Variants in STPG2 observed in about 807,000 individuals in gnomAD.
STPG2 encodes the protein sperm-tail PG-rich repeat-containing protein 2.
In STPG2, 56 loss-of-function variants were observed where a neutral mutation model predicts 54.2. That is an observed-to-expected ratio of 1.03 (90% CI 0.83 to 1.29). The LOEUF is 1.29. Among genes scored for constraint, STPG2 ranks in the 50% most tolerant of loss-of-function variants. STPG2 has a pLI of 0.00. For missense variants in STPG2, 596 were observed against 544.9 expected, an observed-to-expected ratio of 1.09 and a Z score of -0.93; for synonymous variants, 200 against 181.8, an observed-to-expected ratio of 1.10 and a Z score of -0.81.
intron 5 of STPG2, among the ~76,000 whole-genome samples, chr4:98,089,579 T>C (rs1214327172): frequency 6.6e-6 from 1 of 152,088 alleles, no homozygotes; most frequent in African/African-American, 2.4e-5. Context: ...AGTAGTGGGA[T>C]TGCTGGATTG....
At chr4:97,847,253 A>G (rs1248546396) in intron 8 of STPG2, among the ~76,000 whole-genome samples, 1 of 152,146 alleles carries the variant, frequency 6.6e-6, no homozygotes, top group Non-Finnish European at 1.5e-5. Context: ...TTTGTTTTAC[A>G]TGTTGCAAAT....
intron 8 of STPG2, among the ~76,000 whole-genome samples, chr4:97,868,299 T>C (rs1032422343): frequency 6.6e-6 from 1 of 151,956 alleles, no homozygotes; most frequent in Non-Finnish European, 1.5e-5. Flanking sequence ...ATTGATATTA[T>C]AATTTTGATG....
intron 9 of STPG2, among the ~76,000 whole-genome samples, chr4:97,714,133 T>C (rs2149009428): frequency 6.6e-6 from 1 of 152,272 alleles, no homozygotes; most frequent in South Asian, 2.1e-4. Flanking sequence ...ATAATGATAT[T>C]AATAAAATAC....
intron 10 of STPG2, among the ~76,000 whole-genome samples, chr4:97,696,308 T>C (rs1047421026): frequency 5.3e-5 from 8 of 152,274 alleles, no homozygotes; most frequent in Admixed American, 1.3e-4. Context: ...GGTCCTGTAA[T>C]AAATTGGCAA....
At chr4:97,612,537 G>A (rs1212330281) in intron 10 of STPG2, among the ~76,000 whole-genome samples, 1 of 152,084 alleles carries the variant, frequency 6.6e-6, no homozygotes, top group Non-Finnish European at 1.5e-5. Flanking sequence ...GAGGGGAACA[G>A]AACGATGAAC....
At position 98,091,352 on chromosome 4, in the gene STPG2, G is replaced by A. The variant is rs1037414840; in HGVS notation, c.612+14601C>T. On this transcript the variant is annotated intron_variant, in intron 5 of 10. Coordinates refer to ENST00000295268, the MANE Select transcript of STPG2 (RefSeq NM_174952.3). ...GAATCAACTGCTTAAAATGTTTACC[G>A]GCCCAAAATCTCCTATAGATAAAAA... 5.3e-5 allele frequency among the ~76,000 whole-genome samples: 8 copies of A among 151,960 alleles called. No homozygotes were observed. The East Asian group carries it at 5.8e-4, about 11-fold the overall frequency.
At chr4:97,462,128 A>C (rs1366281780) in intron 4 of STPG2, among the ~76,000 whole-genome samples, 1 of 151,990 alleles carries the variant, frequency 6.6e-6, no homozygotes, top group Admixed American at 6.6e-5. Context: ...ATGTAGTGTA[A>C]GATAGTACTC....
At chr4:97,788,947 ATAAT>A (rs1280303630) in intron 9 of STPG2, among the ~76,000 whole-genome samples, 1 of 152,086 alleles carries the variant, frequency 6.6e-6, no homozygotes, top group African/African-American at 2.4e-5. Flanking sequence ...ACTCTTAAAA[ATAAT>A]TAGTCTTTCA....
intron 7 of STPG2, among the ~76,000 whole-genome samples, chr4:97,956,183 G>C (rs1359261479): frequency 6.6e-6 from 1 of 152,122 alleles, no homozygotes; most frequent in African/African-American, 2.4e-5. Flanking sequence ...AATGTTCTGA[G>C]TCAGTCTTAT....
chr4:97,562,338 T>G lies in STPG2; in HGVS notation c.1321-3221A>C, dbSNP rs545245655. ...GTTGCTTATCAGCTCAAGGAGATTT[T>G]GGGCTGAGAAAATGGGGTTTTCTAG... On this transcript the variant is annotated intron_variant, in intron 10 of 10. Transcript: ENST00000295268. Among the ~76,000 whole-genome samples the G allele has an allele frequency of 2.6e-5, 4 of 152,334 alleles. No individual in the cohort carries two copies. In the South Asian group the frequency reaches 6.2e-4, roughly 24 times the overall value.
At chr4:97,527,567 C>G (rs1280877587) in intron 4 of STPG2, among the ~76,000 whole-genome samples, 1 of 152,088 alleles carries the variant, frequency 6.6e-6, no homozygotes, top group Non-Finnish European at 1.5e-5. Context: ...CTTGAGGAAT[C>G]TGCCACACTG....
intron 8 of STPG2, among the ~76,000 whole-genome samples, chr4:97,870,464 G>A (rs1464044760): frequency 6.6e-6 from 1 of 151,150 alleles, no homozygotes; most frequent in Admixed American, 6.6e-5. Context: ...AAAAATAAAA[G>A]GGTAAGCAAA....
chr4:97,782,417 C>T (rs575734366), intron 9 of STPG2, among the ~76,000 whole-genome samples: 8 of 152,078 alleles, frequency 5.3e-5, no homozygotes, highest in East Asian at 3.9e-4. Context: ...CACTGCTCAA[C>T]GAAATAAAAG....
At chr4:97,931,975 G>C (rs1478145230) in intron 8 of STPG2, among the ~76,000 whole-genome samples, 1 of 151,992 alleles carries the variant, frequency 6.6e-6, no homozygotes, top group African/African-American at 2.4e-5. Flanking sequence ...AGTCTTGGGA[G>C]GATGTATGTG....
intron 4 of STPG2, among the ~76,000 whole-genome samples, chr4:97,461,486 G>A (rs1466664737): frequency 2.0e-5 from 3 of 152,154 alleles, no homozygotes; most frequent in Non-Finnish European, 4.4e-5. Context: ...GAGCTAGCTA[G>A]CTTTCTTTTC....
At chr4:97,949,412 TACGTTC>T (rs1733377527) in intron 7 of STPG2, among the ~76,000 whole-genome samples, 1 of 152,168 alleles carries the variant, frequency 6.6e-6, no homozygotes, top group Admixed American at 6.6e-5. Flanking sequence ...TTACGCCATT[TACGTTC>T]AACATAATAT....
At chr4:98,089,055 A>G (rs549578288) in intron 5 of STPG2, among the ~76,000 whole-genome samples, 3 of 150,772 alleles carry the variant, frequency 2.0e-5, no homozygotes, top group African/African-American at 7.3e-5. Context: ...TAATCCTGCC[A>G]TTTTTTTTTA....
intron 9 of STPG2, among the ~76,000 whole-genome samples, chr4:97,714,179 C>A (rs1724217349): frequency 6.6e-6 from 1 of 152,206 alleles, no homozygotes; most frequent in African/African-American, 2.4e-5. Flanking sequence ...AATAAGCATG[C>A]AATTCAATCT....
chr4:97,854,806 A>G (rs111280386), intron 8 of STPG2, among the ~76,000 whole-genome samples: 1,859 of 152,238 alleles, frequency 0.012, 34 homozygotes, highest in African/African-American at 0.043. Flanking sequence ...ACATAGGTAA[A>G]CAAGTGCAAT....
Sources: allele counts gnomAD v4.1 joint callset (sites outside exome capture counted in the v4.1 genomes callset), GRCh38; gene constraint gnomAD v4.1.1; transcripts MANE v1.5; gene names NCBI Gene and HGNC (gene_info 2026-07-23, HGNC 2026-07-21).